Variants in UBA2 observed in about 807,000 individuals in gnomAD.
The protein encoded by UBA2 is SUMO-activating enzyme subunit 2.
A neutral mutation model predicts 77.2 loss-of-function variants in UBA2; 11 were observed. The ratio of observed to expected loss-of-function variants is 0.14; its 90% CI spans 0.09 to 0.24. The LOEUF (loss-of-function observed/expected upper bound fraction) is 0.24. Ranked by LOEUF, UBA2 falls within the 10% of genes least tolerant of loss-of-function variation. The pLI is 1.00. For synonymous variants in UBA2, 278 were observed against 276.7 expected, an observed-to-expected ratio of 1.00 and a Z score of -0.05; for missense variants, 487 against 781.7, an observed-to-expected ratio of 0.62 and a Z score of 4.50.
intron 6 of UBA2, among the ~76,000 whole-genome samples, chr19:34,439,823 GAAGA>G (rs1379432115): frequency 2.0e-5 from 3 of 151,066 alleles, no homozygotes; most frequent in Non-Finnish European, 4.4e-5. Context: ...GTCTTAAAAT[GAAGA>G]AAGAAAGAAA....
At chr19:34,466,260 T>C (rs1222536114) in intron 15 of UBA2, among the ~76,000 whole-genome samples, 2 of 152,006 alleles carry the variant, frequency 1.3e-5, no homozygotes, top group Admixed American at 1.3e-4. Context: ...CTTGAAAACC[T>C]GGGAGGTAGA....
At chr19:34,456,851 C>T (rs964631819) in intron 12 of UBA2, among the ~76,000 whole-genome samples, 2 of 152,024 alleles carry the variant, frequency 1.3e-5, no homozygotes, top group African/African-American at 2.4e-5. Flanking sequence ...AGCCACCGTT[C>T]CTGGCCGATA....
intron 12 of UBA2, among the ~76,000 whole-genome samples, chr19:34,454,781 C>G (rs2075539983): frequency 6.6e-6 from 1 of 152,200 alleles, no homozygotes; most frequent in Admixed American, 6.5e-5. Context: ...TCCAATTTTA[C>G]TGAATTCTTC....
chr19:34,444,044 GTTTTTTTTTTTTTTT>G, intron 7 of UBA2, 133 bp downstream of exon 7: 1 of 169,686 alleles, frequency 5.9e-6, no homozygotes, highest in Non-Finnish European at 1.0e-5. Context: ...TTTTTTTTTT[GTTTTTTTTTTTTTTT>G]TTTTTTTTTG....
chr19:34,428,752 C>T, intron 1 of UBA2, 182 bp downstream of exon 1: 2 of 1,139,080 alleles, frequency 1.8e-6, no homozygotes, highest in African/African-American at 1.6e-5. Flanking sequence ...GTTCTTTGGG[C>T]ACGGGGCGGG....
At chr19:34,430,811 G>A in intron 2 of UBA2, 152 bp downstream of exon 2, 1 of 592,628 alleles carries the variant, frequency 1.7e-6, no homozygotes, top group Non-Finnish European at 3.0e-6. Flanking sequence ...TCAAGTAAAG[G>A]ACTAAAGATT....
At chr19:34,453,709 G>T (rs2075527474) in intron 10 of UBA2, among the ~76,000 whole-genome samples, 1 of 151,792 alleles carries the variant, frequency 6.6e-6, no homozygotes, top group African/African-American at 2.4e-5. Flanking sequence ...TGTGTTTTTG[G>T]TGGAGATGGG....
chr19:34,434,810 A>G (rs2075291759), intron 4 of UBA2, 58 bp from the exon 5 acceptor site: 1 of 1,340,654 alleles, frequency 7.5e-7, no homozygotes, highest in Non-Finnish European at 1.0e-6. Flanking sequence ...TGTCATCCTA[A>G]TTAAAGATAA....
At chr19:34,458,458 G>A (rs1302018069) in intron 12 of UBA2, among the ~76,000 whole-genome samples, 1 of 150,074 alleles carries the variant, frequency 6.7e-6, no homozygotes, top group Non-Finnish European at 1.5e-5. Context: ...TACTCGGGAG[G>A]CTGAGGCAGG....
chr19:34,440,755 T>C (rs890391983), intron 6 of UBA2, among the ~76,000 whole-genome samples: 1 of 152,028 alleles, frequency 6.6e-6, no homozygotes, highest in African/African-American at 2.4e-5. Flanking sequence ...GGCGAAATCC[T>C]GTCTCTATTA....
At chr19:34,457,431 G>A (rs977674858) in intron 12 of UBA2, among the ~76,000 whole-genome samples, 29 of 151,934 alleles carry the variant, frequency 1.9e-4, no homozygotes, top group African/African-American at 6.8e-4. Flanking sequence ...TTCCAGCCTG[G>A]ATTAATGTTA....
chr19:34,439,264 A>C (rs1296277174), intron 6 of UBA2, among the ~76,000 whole-genome samples: 17 of 152,066 alleles, frequency 1.1e-4, no homozygotes, highest in Admixed American at 1.1e-3. Flanking sequence ...CTTATATTGG[A>C]GACAGCCATG....
rs78898896 is a variant in UBA2, at chr19:34,460,451, C to CTT, written c.1402-6_1402-5dup. On this transcript the variant is annotated intron_variant, in intron 13 of 16. Transcript: ENST00000246548. ...ATTACCTACGTTAATATTTTGAATC[C>CTT]TTTTTTTTTTTTTTGTAGATAGTGA... The CTT allele has an allele frequency of 1.8e-3, 2,262 of 1,234,772 alleles. No homozygotes were observed. Among genetic ancestry groups the CTT allele is most frequent in the South Asian group, 2.7e-3 (189 of 69,566 alleles). 76.5% of individuals were successfully genotyped at this position (1,234,772 alleles called of 1,614,324 possible).
rs929083930 is a variant in UBA2, at chr19:34,466,836, T to A, written c.1605-42T>A. 3 of 1,592,422 alleles carry A rather than the reference T, an allele frequency of 1.9e-6. No homozygotes were observed. In the African/African-American group the frequency reaches 4.0e-5, roughly 21 times the overall value. On this transcript the variant is annotated intron_variant, in intron 15 of 16. Coordinates refer to ENST00000246548, the MANE Select transcript of UBA2 (RefSeq NM_005499.3). ...AGGATTTCTCTGGTGCTCCTTTGCT[T>A]TCTAAATAGTCATAGCAGTGACCTG...
chr19:34,457,510 C>T (rs1020592284), intron 12 of UBA2, among the ~76,000 whole-genome samples: 2 of 152,038 alleles, frequency 1.3e-5, no homozygotes, highest in African/African-American at 2.4e-5. Flanking sequence ...CTTACCTTCC[C>T]GGTGAAGCCC....
chr19:34,436,381 C>A (rs955076216), intron 5 of UBA2, among the ~76,000 whole-genome samples: 1 of 152,096 alleles, frequency 6.6e-6, no homozygotes, highest in African/African-American at 2.4e-5. Flanking sequence ...CTCGCCGCAA[C>A]CTCCGTCTCC....
intron 12 of UBA2, among the ~76,000 whole-genome samples, chr19:34,455,746 C>G (rs1322816676): frequency 6.6e-6 from 1 of 152,018 alleles, no homozygotes; most frequent in Non-Finnish European, 1.5e-5. Flanking sequence ...CAGGATCAAG[C>G]GATTCTCCTG....
In UBA2 at chr19:34,463,304, C is replaced by T. The variant is rs368891384; in HGVS notation, c.1499-722C>T. ...CAGTTTGGTCCCCCTGAAGTAGTTT[C>T]GGTAGTTAAGTGTTTTAAGACTGAA... On this transcript the variant is annotated intron_variant, in intron 14 of 16. Transcript: ENST00000246548. 9.9e-5 allele frequency among the ~76,000 whole-genome samples: 15 copies of T among 152,154 alleles called. 1 individual carries two copies. In the South Asian group the frequency reaches 2.5e-3, roughly 25 times the overall value.
chr19:34,448,311 C>T (rs953776161), intron 8 of UBA2, among the ~76,000 whole-genome samples: 4 of 152,046 alleles, frequency 2.6e-5, no homozygotes, highest in African/African-American at 7.2e-5. Context: ...AAAATGGTAC[C>T]TGGCTGGGCA....
Sources: allele counts gnomAD v4.1 joint callset (sites outside exome capture counted in the v4.1 genomes callset), GRCh38; gene constraint gnomAD v4.1.1; transcripts MANE v1.5; gene names NCBI Gene and HGNC (gene_info 2026-07-23, HGNC 2026-07-21).